The following PWWP2A variants were observed in gnomAD, a reference collection of about 807,000 sequenced individuals.
PWWP2A encodes the protein PWWP domain-containing protein 2A.
PWWP2A carries 18 observed loss-of-function variants against 48.5 expected under a neutral mutation model. That is an observed-to-expected ratio of 0.37 (90% confidence interval 0.26 to 0.55). The LOEUF is 0.55. Among genes scored for constraint, PWWP2A ranks in the 20% least tolerant of loss-of-function variants. PWWP2A has a pLI of 0.81. For missense variants in PWWP2A, 867 were observed against 976.4 expected (o/e 0.89, Z 1.49); for synonymous variants, 396 against 387.7 (o/e 1.02, Z -0.25).
downstream of PWWP2A, chr5:160,089,536 T>C: frequency 7.8e-7 from 1 of 1,286,040 alleles, no homozygotes; most frequent in South Asian, 1.2e-5. Context: ...GTTTGGTCTT[T>C]GGTTCCACAT....
At chr5:160,091,060 A>C (rs1755016939), downstream of PWWP2A, 1 of 984,780 alleles carries the variant, frequency 1.0e-6, no homozygotes, top group Non-Finnish European at 1.2e-6. Context: ...AAATATTAAG[A>C]CTAAAAATTA....
intron 1 of PWWP2A, chr5:160,113,358 G>A: frequency 2.0e-6 from 2 of 981,638 alleles, no homozygotes; most frequent in Non-Finnish European, 1.2e-6. Context: ...ACAGGGAGGG[G>A]AAGCATTTCA....
chr5:160,089,719 T>C (rs1754915798), downstream of PWWP2A: 1 of 1,245,250 alleles, frequency 8.0e-7, no homozygotes, highest in Non-Finnish European at 1.0e-6. Flanking sequence ...GTTTCTCCCC[T>C]GGCCAATCCT....
At chr5:160,053,035 G>A in the PWWP2A span, among the ~76,000 whole-genome samples, 5 of 152,130 alleles carry the variant, frequency 3.3e-5, no homozygotes, top group Admixed American at 2.6e-4. Flanking sequence ...CCCCACAATA[G>A]ATAACCTAGA....
intron 1 of PWWP2A, among the ~76,000 whole-genome samples, chr5:160,096,027 T>C (rs1755613132): frequency 6.6e-6 from 1 of 152,156 alleles, no homozygotes; most frequent in African/African-American, 2.4e-5. Flanking sequence ...CAGAATACCT[T>C]TGCTAGGAAG....
chr5:160,099,188 T>A (rs1224826520), intron 1 of PWWP2A, among the ~76,000 whole-genome samples: 1 of 152,216 alleles, frequency 6.6e-6, no homozygotes, highest in African/African-American at 2.4e-5. Flanking sequence ...TGAACAAGTG[T>A]TTAGGTGAAA....
intron 1 of PWWP2A, 70 bp downstream of exon 1, chr5:160,118,735 G>A (rs1027113519): frequency 7.5e-7 from 1 of 1,330,552 alleles, no homozygotes; most frequent in African/African-American, 1.5e-5. Flanking sequence ...TCGGGGAGAG[G>A]GGGCCGCCCG....
In PWWP2A at chr5:160,077,440, T is replaced by C. The variant is rs1238651613; in HGVS notation, c.*715A>G. On this transcript the variant is annotated 3_prime_UTR_variant, in exon 4 of 4. Coordinates refer to the PWWP2A transcript ENST00000456329. This position sits in a 1 kb window ranked among gnomAD's most constrained non-coding sequence, Gnocchi z 4.2. ...AATTTGAAAGGTAAGAATGTAATTA[T>C]GAAAATGTGCACAAAATGTTAAATA... The C allele has an allele frequency of 6.6e-6, 1 of 152,252 alleles. No individual in the cohort carries two copies. The highest frequency in any genetic ancestry group is 6.5e-5 in the Admixed American group (1 of 15,284). The allele number at this position is 152,252 out of a possible 1,614,324, so 9.4% of individuals were successfully genotyped here.
chr5:160,086,546 A>AT (rs201811366), downstream of PWWP2A, among the ~76,000 whole-genome samples: 1,938 of 151,746 alleles, frequency 0.013, 46 homozygotes, highest in African/African-American at 0.045. Flanking sequence ...ATATACACAC[A>AT]TTTTTTTTAA....
chr5:160,118,921 C>G lies in PWWP2A; in HGVS notation c.468G>C (p.Leu156=), dbSNP rs767004750. The G allele has an allele frequency of 1.2e-6, 2 of 1,602,046 alleles. No individual in the cohort carries two copies. Among genetic ancestry groups the G allele is most frequent in the Middle Eastern group, 1.7e-4 (1 of 6,036 alleles). ...PAGGDSTVSQ[L]IPGSEVRVTL... is the part of the protein sequence containing the mutation. Reference sequence around the variant, plus strand: ...TGACCCGCACCTCCGAGCCCGGGATCAGTTGCGACACCGTGGAGTCCCCGC... The same window carrying G: ...TGACCCGCACCTCCGAGCCCGGGATGAGTTGCGACACCGTGGAGTCCCCGC... The change falls in exon 1 of 2, where the codon CTG becomes CTC. Residue 156 remains leucine (L), a synonymous_variant. Transcript: ENST00000307063.
intron 3 of PWWP2A, among the ~76,000 whole-genome samples, chr5:160,079,909 A>G (rs1233743253): frequency 6.6e-6 from 1 of 152,230 alleles, no homozygotes; most frequent in Non-Finnish European, 1.5e-5. Context: ...ATGCAACTAT[A>G]CAGTTCTTCA....
At chr5:160,067,228 C>G (rs1753634448) in intron 2 of PWWP2A, among the ~76,000 whole-genome samples, 1 of 151,938 alleles carries the variant, frequency 6.6e-6, no homozygotes, top group African/African-American at 2.4e-5. Context: ...GACAAGATAA[C>G]AGTGAAAAAA....
exon 3 of PWWP2A, chr5:160,080,709 A>G: frequency 6.3e-7 from 1 of 1,575,648 alleles, no homozygotes; most frequent in African/African-American, 1.3e-5. Context: ...GGTCTGTCAG[A>G]CACTGTAAGG....
chr5:160,055,255 T>C, the PWWP2A span, among the ~76,000 whole-genome samples: 1 of 152,198 alleles, frequency 6.6e-6, no homozygotes, highest in Non-Finnish European at 1.5e-5. Context: ...AATCTGTATG[T>C]ATATATTTTT....
At position 160,093,079 on chromosome 5, in the gene PWWP2A, T is replaced by G. The variant is rs763660788; in HGVS notation, c.1571A>C (p.Gln524Pro). 4 of 1,613,488 alleles carry G rather than the reference T, an allele frequency of 2.5e-6. No homozygotes were observed. The highest frequency in any genetic ancestry group is 3.4e-6 in the Non-Finnish European group (4 of 1,179,798). Reference sequence around the variant, plus strand: ...CTCTTCAGGGCCTTTTGAGGGACTCTGATTTTCTGAAGGGGCCTCACCTGC... The same window carrying G: ...CTCTTCAGGGCCTTTTGAGGGACTCGGATTTTCTGAAGGGGCCTCACCTGC... Reference protein sequence around the residue: ...RSAGEAPSENQSPSKGPEEAS... With the variant: ...RSAGEAPSENPSPSKGPEEAS... Residue 524 changes from glutamine (Q) to proline (P), a missense_variant, in exon 2 of 2, where the codon CAG becomes CCG. Physicochemically the swap from Gln to Pro is moderately conservative, Grantham distance 76. Transcript: ENST00000307063. This position sits in a 1 kb window ranked among gnomAD's most constrained non-coding sequence, Gnocchi z 5.8.
At chr5:160,065,620 T>C in intron 4 of PWWP2A, 1 of 330,758 alleles carries the variant, frequency 3.0e-6, no homozygotes, top group Non-Finnish European at 6.0e-6. Context: ...GGAGCAGTGT[T>C]GGTTTCAAGC....
At chr5:160,068,460 G>A (rs1043945438) in intron 2 of PWWP2A, among the ~76,000 whole-genome samples, 11 of 151,550 alleles carry the variant, frequency 7.3e-5, no homozygotes, top group South Asian at 2.1e-4. Flanking sequence ...TTAGCCGGGC[G>A]TGGTGGCGGG....
exon 4 of PWWP2A, chr5:160,076,772 A>G (rs1164896391): frequency 3.3e-5 from 5 of 152,212 alleles, no homozygotes. Context: ...TAACATTATG[A>G]AAAGTCTGAC....
In PWWP2A at chr5:160,091,692, A is replaced by G. The variant is rs1755078678; in HGVS notation, c.*690T>C. The G allele has an allele frequency of 1.0e-6, 1 of 985,232 alleles. No individual in the cohort carries two copies. The allele number at this position is 985,232 out of a possible 1,614,324, so 61.0% of individuals were successfully genotyped here. On this transcript the variant is annotated 3_prime_UTR_variant, in exon 2 of 2. Coordinates refer to ENST00000307063, the MANE Select transcript of PWWP2A (RefSeq NM_001130864.2). ...GTATTTATTAAATCCCCACTGGACGAAAGACAGTGATGACTAACACCTATC... is the reference window on the plus strand; with the variant it reads ...GTATTTATTAAATCCCCACTGGACGGAAGACAGTGATGACTAACACCTATC...
Sources: allele counts gnomAD v4.1 joint callset (sites outside exome capture counted in the v4.1 genomes callset), GRCh38; gene constraint gnomAD v4.1.1; non-coding constraint Gnocchi (gnomAD v3.1); transcripts MANE v1.5; gene names NCBI Gene and HGNC (gene_info 2026-07-23, HGNC 2026-07-21).